ABLIM1: variants seen among roughly 807,000 people sequenced by gnomAD.
ABLIM1 encodes the protein actin binding LIM protein 1.
ABLIM1 carries 40 observed loss-of-function variants against 107.0 expected under a neutral mutation model. The observed-to-expected ratio is 0.37, with a 90% CI of 0.29 to 0.49. The LOEUF is 0.49. Ranked by LOEUF, ABLIM1 falls within the 20% of genes least tolerant of loss-of-function variation. The pLI is 0.97. For synonymous variants in ABLIM1, 357 were observed against 357.3 expected, an observed-to-expected ratio of 1.00 and a Z score of 0.01; for missense variants, 857 against 1,008.5, an observed-to-expected ratio of 0.85 and a Z score of 2.04.
At chr10:114,497,633 G>A (rs947929197) in intron 6 of ABLIM1, among the ~76,000 whole-genome samples, 1 of 128,290 alleles carries the variant, frequency 7.8e-6, no homozygotes, top group African/African-American at 3.0e-5. Context: ...AGTAAGCCGA[G>A]ATCGCACCAC....
intron 1 of ABLIM1, among the ~76,000 whole-genome samples, chr10:114,621,422 T>A (rs2077456941): frequency 6.6e-6 from 1 of 152,102 alleles, no homozygotes. Flanking sequence ...AGAATAACCA[T>A]CTCCCCGACC....
At chr10:114,545,540 G>A (rs912637617) in intron 5 of ABLIM1, among the ~76,000 whole-genome samples, 4 of 152,180 alleles carry the variant, frequency 2.6e-5, no homozygotes, top group African/African-American at 9.7e-5. Context: ...TATCACACCT[G>A]AAGGCAAAAC....
intron 2 of ABLIM1, among the ~76,000 whole-genome samples, chr10:114,579,181 AT>A (rs5788072): frequency 0.01 from 1,539 of 152,032 alleles, 21 homozygotes; most frequent in Non-Finnish European, 0.014. Flanking sequence ...TAGTAAAACA[AT>A]TTTTTTTAAC....
At chr10:114,769,422 GGAAAGAAAGAAAGAAAGAAAGAAA>G (rs201904899), upstream of ABLIM1, among the ~76,000 whole-genome samples, 9 of 51,872 alleles carry the variant, frequency 1.7e-4, no homozygotes, top group South Asian at 1.4e-3. Flanking sequence ...AAGAAAAGAA[GGAAAGAAAGAAAGAAAGAAAGAAA>G]GAAAGAAAGA....
chr10:114,626,543 C>T (rs2077813956), intron 1 of ABLIM1, among the ~76,000 whole-genome samples: 1 of 152,056 alleles, frequency 6.6e-6, no homozygotes, highest in Non-Finnish European at 1.5e-5. Context: ...GAGCTCATCT[C>T]CTTCCTCCCA....
At chr10:114,588,292 G>A (rs940540267) in intron 2 of ABLIM1, among the ~76,000 whole-genome samples, 2 of 151,872 alleles carry the variant, frequency 1.3e-5, no homozygotes, top group Non-Finnish European at 2.9e-5. Flanking sequence ...GTCAGGTAAG[G>A]GTAGAGCATG....
chr10:114,485,172 G>T, intron 8 of ABLIM1: 1 of 623,870 alleles, frequency 1.6e-6, no homozygotes, highest in Non-Finnish European at 2.6e-6. Flanking sequence ...CTTGTGGTGT[G>T]AGAAAAGCAT....
intron 2 of ABLIM1, among the ~76,000 whole-genome samples, chr10:114,591,608 G>A (rs1566034189): frequency 6.6e-6 from 1 of 152,098 alleles, no homozygotes; most frequent in African/African-American, 2.4e-5. Flanking sequence ...AAAAAATGCT[G>A]CGTCTGGGAA....
At chr10:114,561,088 C>T (rs916137870) in intron 4 of ABLIM1, among the ~76,000 whole-genome samples, 1 of 152,222 alleles carries the variant, frequency 6.6e-6, no homozygotes, top group South Asian at 2.1e-4. Flanking sequence ...AGAAAATTTG[C>T]TCTTGAGCTG....
At chr10:114,735,279 A>G (rs1467557191) in intron 1 of ABLIM1, among the ~76,000 whole-genome samples, 1 of 152,186 alleles carries the variant, frequency 6.6e-6, no homozygotes, top group African/African-American at 2.4e-5. Context: ...TGGTTTCCTC[A>G]GGTATCTAAG....
the ABLIM1 span, among the ~76,000 whole-genome samples, chr10:114,792,806 G>T: frequency 6.6e-6 from 1 of 152,186 alleles, no homozygotes; most frequent in East Asian, 1.9e-4. Flanking sequence ...ATGTCTCTAT[G>T]TGGAGATCTG....
the ABLIM1 span, among the ~76,000 whole-genome samples, chr10:114,773,664 G>A: frequency 6.6e-6 from 1 of 152,212 alleles, no homozygotes; most frequent in Non-Finnish European, 1.5e-5. Flanking sequence ...GGAGGATGCA[G>A]TGAGCTGAGA....
At position 114,601,818 on chromosome 10, in the gene ABLIM1, GCACC is replaced by G. The variant is rs1209086697; in HGVS notation, c.379+5_379+8del. 4.3e-6 allele frequency: 7 copies of G among 1,614,038 alleles called. No individual in the cohort carries two copies. The highest frequency in any genetic ancestry group is 1.3e-5 in the African/African-American group (1 of 74,926). On this transcript the variant is annotated splice_donor_5th_base_variant and intron_variant, in intron 2 of 22. Coordinates refer to ENST00000533213, the MANE Select transcript of ABLIM1 (RefSeq NM_002313.7). ...ATGCCACTGAGCCACGAAGCTGGAG[GCACC>G]ATACCTTTGCAGGTGAAACACTTGA...
At chr10:114,625,858 C>T (rs2077757614) in intron 1 of ABLIM1, among the ~76,000 whole-genome samples, 2 of 152,192 alleles carry the variant, frequency 1.3e-5, no homozygotes, top group African/African-American at 2.4e-5. Context: ...TCCTTTCCCT[C>T]ACCTATTAGG....
intron 1 of ABLIM1, among the ~76,000 whole-genome samples, chr10:114,710,751 A>C (rs979657772): frequency 6.6e-6 from 1 of 152,234 alleles, no homozygotes; most frequent in Non-Finnish European, 1.5e-5. Context: ...ACTGCACTCC[A>C]GCCTGGGCGA....
upstream of ABLIM1, among the ~76,000 whole-genome samples, chr10:114,658,989 T>C (rs770122665): frequency 5.3e-5 from 8 of 152,180 alleles, no homozygotes; most frequent in Non-Finnish European, 7.4e-5. Flanking sequence ...CCAGTAATTA[T>C]CATTTACTCT....
In ABLIM1 at chr10:114,625,411, A is replaced by G. The variant is rs994194761; in HGVS notation, c.245-23450T>C. ...TGTGTGTTTTGGGAAGACAGACAGC[A>G]TTAGAGGCAGCAACACTTCACAGCT... On this transcript the variant is annotated intron_variant, in intron 1 of 22. Coordinates refer to ENST00000533213, the MANE Select transcript of ABLIM1 (RefSeq NM_002313.7). Among the ~76,000 whole-genome samples, 124 of 152,290 alleles carry G rather than the reference A, an allele frequency of 8.1e-4. 2 individuals are homozygous for G. Among genetic ancestry groups the G allele is most frequent in the African/African-American group, 2.9e-3 (121 of 41,562 alleles).
At chr10:114,608,323 C>T (rs952086882) in intron 1 of ABLIM1, among the ~76,000 whole-genome samples, 2 of 152,028 alleles carry the variant, frequency 1.3e-5, no homozygotes, top group Admixed American at 6.6e-5. Context: ...GCGATTGCAC[C>T]ATTGCACTCC....
intron 1 of ABLIM1, among the ~76,000 whole-genome samples, chr10:114,607,365 C>T (rs570906334): frequency 2.2e-4 from 34 of 152,066 alleles, no homozygotes; most frequent in African/African-American, 3.9e-4. Context: ...CGGCCTCTGG[C>T]GTTTTTCTCC....
Sources: gnomAD v4.1 joint callset for allele counts (sites outside exome capture counted in the v4.1 genomes callset) on GRCh38, gnomAD v4.1.1 for gene constraint, MANE v1.5 for transcripts, NCBI Gene and HGNC (gene_info 2026-07-23, HGNC 2026-07-21) for gene names.